SIL1: variants seen among roughly 807,000 people sequenced by gnomAD.
The protein encoded by SIL1 is SIL1 nucleotide exchange factor, also known as nucleotide exchange factor SIL1.
A neutral mutation model predicts 49.1 loss-of-function variants in SIL1; 40 were observed. The observed-to-expected ratio is 0.81, with a 90% CI of 0.63 to 1.06. The LOEUF (loss-of-function observed/expected upper bound fraction) is 1.06, where lower values mean the gene tolerates loss of function less well. SIL1 is among the 50% of genes least tolerant of loss of function. The probability of loss-of-function intolerance (pLI) is 0.00; values close to 1 mark genes in which losing one functional copy is unlikely to be tolerated. For missense variants in SIL1, 500 were observed against 572.6 expected (o/e 0.87, Z 1.29); for synonymous variants, 253 against 250.8 (o/e 1.01, Z -0.08).
At chr5:138,999,654 A>G (rs957480420) in intron 7 of SIL1, among the ~76,000 whole-genome samples, 3 of 152,178 alleles carry the variant, frequency 2.0e-5, no homozygotes, top group African/African-American at 4.8e-5. Context: ...TGTCTCTAAA[A>G]ATAATAATAA....
At chr5:139,011,592 C>T (rs543809727) in intron 7 of SIL1, among the ~76,000 whole-genome samples, 1 of 152,212 alleles carries the variant, frequency 6.6e-6, no homozygotes, top group South Asian at 2.1e-4. Context: ...CCTCAGCCTC[C>T]CAAAGTGCTG....
chr5:139,102,836 T>A (rs1347778897), intron 3 of SIL1, among the ~76,000 whole-genome samples: 1 of 151,732 alleles, frequency 6.6e-6, no homozygotes, highest in Non-Finnish European at 1.5e-5. Context: ...TGCCTCAGCC[T>A]CCTGAGTAGC....
At chr5:139,096,986 G>T (rs1214958367) in intron 3 of SIL1, among the ~76,000 whole-genome samples, 1 of 152,012 alleles carries the variant, frequency 6.6e-6, no homozygotes, top group African/African-American at 2.4e-5. Flanking sequence ...CCCAGGCCAG[G>T]CAGCATTTAC....
At chr5:139,062,267 A>T (rs1419500953) in intron 3 of SIL1, among the ~76,000 whole-genome samples, 1 of 152,204 alleles carries the variant, frequency 6.6e-6, no homozygotes, top group Admixed American at 6.5e-5. Context: ...CAAAATACAT[A>T]ATGAGCCATT....
At chr5:139,035,693 G>A (rs1318536813) in intron 5 of SIL1, 1 of 242,366 alleles carries the variant, frequency 4.1e-6, no homozygotes, top group African/African-American at 2.8e-5. Context: ...TCAGTCGCCA[G>A]GCTGGAGTGC....
At chr5:139,060,529 T>C (rs1422506867) in intron 3 of SIL1, among the ~76,000 whole-genome samples, 3 of 152,046 alleles carry the variant, frequency 2.0e-5, no homozygotes, top group Non-Finnish European at 1.5e-5. Context: ...TCCAATTTTT[T>C]TTTTTTTTTT....
chr5:139,023,588 A>G (rs1170874724), intron 6 of SIL1, among the ~76,000 whole-genome samples: 1 of 152,196 alleles, frequency 6.6e-6, no homozygotes, highest in African/African-American at 2.4e-5. Flanking sequence ...TGCTTTTCAC[A>G]TATCCTGTTT....
At chr5:139,137,784 G>A (rs193027632) in intron 1 of SIL1, among the ~76,000 whole-genome samples, 2 of 150,866 alleles carry the variant, frequency 1.3e-5, no homozygotes, top group African/African-American at 4.9e-5. Context: ...GGGAAAACTG[G>A]CTAGCCATAT....
chr5:139,164,348 C>G (rs549289657), intron 1 of SIL1, among the ~76,000 whole-genome samples: 7 of 152,204 alleles, frequency 4.6e-5, no homozygotes, highest in Admixed American at 1.3e-4. Context: ...TTTCTGGTTA[C>G]TACTCAAAGC....
chr5:139,131,940 G>T (rs1750873562), intron 1 of SIL1, among the ~76,000 whole-genome samples: 1 of 152,132 alleles, frequency 6.6e-6, no homozygotes, highest in Admixed American at 6.6e-5. Flanking sequence ...AAAGAATAAA[G>T]AATAGAAGTG....
At chr5:139,132,344 C>G (rs183281474) in intron 1 of SIL1, among the ~76,000 whole-genome samples, 1 of 152,326 alleles carries the variant, frequency 6.6e-6, no homozygotes, top group Non-Finnish European at 1.5e-5. Flanking sequence ...CCAGCCATCT[C>G]TGTCTCCTGC....
chr5:138,986,987 T>C (rs1445762790), intron 7 of SIL1, among the ~76,000 whole-genome samples: 1 of 151,970 alleles, frequency 6.6e-6, no homozygotes, highest in African/African-American at 2.4e-5. Flanking sequence ...ACTCAATTTG[T>C]CCTTGGGCAC....
chr5:139,122,821 G>A (rs1475056862), intron 2 of SIL1, among the ~76,000 whole-genome samples: 1 of 152,118 alleles, frequency 6.6e-6, no homozygotes. Context: ...ATCTTGGCAA[G>A]AAGAAGCTCT....
At chr5:138,975,663 C>T (rs941860622) in intron 7 of SIL1, among the ~76,000 whole-genome samples, 3 of 152,158 alleles carry the variant, frequency 2.0e-5, no homozygotes, top group African/African-American at 4.8e-5. Context: ...GTGATGATGT[C>T]GAATTCTAAG....
intron 1 of SIL1, among the ~76,000 whole-genome samples, chr5:139,143,344 C>CACACACACATATAT (rs1451727500): frequency 2.1e-5 from 2 of 97,532 alleles, no homozygotes; most frequent in African/African-American, 1.1e-4. Flanking sequence ...CACACACACA[C>CACACACACATATAT]ATATATATAT....
At chr5:139,029,883 G>A (rs952397053) in intron 5 of SIL1, among the ~76,000 whole-genome samples, 13 of 151,694 alleles carry the variant, frequency 8.6e-5, no homozygotes, top group African/African-American at 3.1e-4. Flanking sequence ...AGGCTGAGGT[G>A]GGAGGATCAC....
At chr5:139,079,706 C>G (rs1419219762) in intron 3 of SIL1, among the ~76,000 whole-genome samples, 1 of 152,200 alleles carries the variant, frequency 6.6e-6, no homozygotes, top group Non-Finnish European at 1.5e-5. Context: ...TTAAACTCTA[C>G]TGAATAATGT....
intron 1 of SIL1, among the ~76,000 whole-genome samples, chr5:139,181,938 G>A (rs368124947): frequency 3.0e-4 from 46 of 152,316 alleles, no homozygotes; most frequent in African/African-American, 1.1e-3. Context: ...CAGGGGACCA[G>A]GGCTGGCCTG....
intron 3 of SIL1, 148 bp from the exon 4 acceptor site, chr5:139,051,194 T>A: frequency 1.4e-6 from 1 of 711,396 alleles, no homozygotes; most frequent in Non-Finnish European, 2.5e-6. Context: ...TCCCTCTCCC[T>A]TGAACACACA....
Sources: allele counts gnomAD v4.1 joint callset (sites outside exome capture counted in the v4.1 genomes callset), GRCh38; gene constraint gnomAD v4.1.1; transcripts MANE v1.5; gene names NCBI Gene and HGNC (gene_info 2026-07-23, HGNC 2026-07-21).